Variants in COPB1 observed in about 807,000 individuals in gnomAD.
The protein encoded by COPB1 is coatomer subunit beta.
COPB1 carries 21 observed loss-of-function variants against 108.7 expected under a neutral mutation model. The ratio of observed to expected loss-of-function variants is 0.19; its 90% CI spans 0.14 to 0.28. The LOEUF (loss-of-function observed/expected upper bound fraction) is 0.28, where lower values mean the gene tolerates loss of function less well. Among genes scored for constraint, COPB1 ranks in the 10% least tolerant of loss-of-function variants. The pLI, the probability that COPB1 is intolerant of heterozygous loss-of-function variation, is 1.00. For missense variants in COPB1, 919 were observed against 1,141.3 expected (o/e 0.81, Z 2.81); for synonymous variants, 378 against 386.8 (o/e 0.98, Z 0.27).
intron 14 of COPB1, among the ~76,000 whole-genome samples, chr11:14,470,885 A>C (rs1850382245): frequency 6.7e-6 from 1 of 149,238 alleles, no homozygotes; most frequent in African/African-American, 2.5e-5. Flanking sequence ...AAAATCTAAA[A>C]CCAGTGGAAG....
chr11:14,470,243 T>TGA (rs1427803624), intron 14 of COPB1, among the ~76,000 whole-genome samples: 1 of 152,246 alleles, frequency 6.6e-6, no homozygotes, highest in East Asian at 1.9e-4. Context: ...TTTAAAGAAC[T>TGA]GAGGCCAGTT....
chr11:14,473,578 C>CCAGTTGGTGGAGCAGT (rs58368175), intron 14 of COPB1, among the ~76,000 whole-genome samples: 101,092 of 151,664 alleles, frequency 0.67, 33,884 homozygotes, highest in African/African-American at 0.71. Flanking sequence ...GGGGTAACAG[C>CCAGTTGGTGGAGCAGT]CGGAACACAC....
At chr11:14,480,211 A>C (rs1850631703) in intron 10 of COPB1, among the ~76,000 whole-genome samples, 1 of 152,224 alleles carries the variant, frequency 6.6e-6, no homozygotes, top group Non-Finnish European at 1.5e-5. Flanking sequence ...GTGCAGCAAA[A>C]TTTATTTTAA....
chr11:14,470,794 T>C (rs1221517971), intron 14 of COPB1, among the ~76,000 whole-genome samples: 1 of 151,774 alleles, frequency 6.6e-6, no homozygotes, highest in Non-Finnish European at 1.5e-5. Context: ...ACAAGCTCAA[T>C]GAACCACAAG....
chr11:14,477,389 C>A (rs1269773068), intron 11 of COPB1, among the ~76,000 whole-genome samples: 26 of 73,274 alleles, frequency 3.5e-4, no homozygotes, highest in South Asian at 6.1e-4. Flanking sequence ...GACTCCGTCT[C>A]AAAAAAAAAA....
At position 14,458,649 on chromosome 11, in the gene COPB1, A is replaced by T; in HGVS notation, c.2685T>A (p.Leu895=). 1 of 1,613,372 alleles carries T rather than the reference A, an allele frequency of 6.2e-7. No homozygotes were observed. The highest frequency in any genetic ancestry group is 8.5e-7 in the Non-Finnish European group (1 of 1,179,698). The part of the protein sequence containing the change: ...SGYCGFMAAN[L]YARSIFGEDA... ...CTTCACCAAATATGGAACGAGCATAAAGGTTGGCTGCCATAAAGCCACAGT... is the reference window on the plus strand; with the variant it reads ...CTTCACCAAATATGGAACGAGCATATAGGTTGGCTGCCATAAAGCCACAGT... The change falls in exon 21 of 22, where the codon CTT becomes CTA. Residue 895 remains leucine (L), a synonymous_variant. Coordinates refer to ENST00000439561, the MANE Select transcript of COPB1 (RefSeq NM_001144061.2).
intron 18 of COPB1, among the ~76,000 whole-genome samples, chr11:14,464,121 A>G (rs1850225884): frequency 6.6e-6 from 1 of 152,162 alleles, no homozygotes; most frequent in Non-Finnish European, 1.5e-5. Flanking sequence ...TTTTCCTGCC[A>G]TCATCCTCCA....
chr11:14,475,150 A>G (rs1204621763), intron 13 of COPB1, among the ~76,000 whole-genome samples: 5 of 151,586 alleles, frequency 3.3e-5, no homozygotes, highest in Non-Finnish European at 7.4e-5. Flanking sequence ...CACAAAAGCC[A>G]TCAGAATATG....
intron 18 of COPB1, among the ~76,000 whole-genome samples, chr11:14,462,233 CTTTT>C (rs928263474): frequency 3.7e-5 from 5 of 134,190 alleles, no homozygotes; most frequent in Non-Finnish European, 4.9e-5. Context: ...CTTTTCTTTT[CTTTT>C]TTTTTTTTTT....
At chr11:14,467,280 T>A (rs1377672305) in intron 16 of COPB1, among the ~76,000 whole-genome samples, 1 of 151,902 alleles carries the variant, frequency 6.6e-6, no homozygotes, top group Non-Finnish European at 1.5e-5. Flanking sequence ...AATAAGCACG[T>A]GAAAAGACAC....
rs773858357 is a variant in COPB1, at chr11:14,461,206, C to T, written c.2536G>A (p.Glu846Lys). The change falls in exon 19 of 22, where the codon GAA (glutamate) becomes AAA (lysine). Residue 846 changes from glutamate (E) to lysine (K), a missense_variant. This residue lies in a region of COPB1 where 705 missense variants were observed against 817.8 expected (regional missense o/e 0.86). Coordinates refer to ENST00000439561, the MANE Select transcript of COPB1 (RefSeq NM_001144061.2). ...CTAACTTTGTTTTCCCATTCAAATT[C>T]GGCCCACATCTGACGGAATTCTGCA... is the stretch of plus-strand genomic sequence containing the variant. The part of the protein sequence containing the change: ...TDAEFRQMWA[E>K]FEWENKVTVN... The T allele has an allele frequency of 4.3e-6, 7 of 1,614,030 alleles. No homozygotes were observed. The highest frequency in any genetic ancestry group is 2.2e-5 in the East Asian group (1 of 44,876).
At chr11:14,479,135 T>A (rs974839684) in intron 11 of COPB1, among the ~76,000 whole-genome samples, 1 of 152,164 alleles carries the variant, frequency 6.6e-6, no homozygotes, top group African/African-American at 2.4e-5. Flanking sequence ...AGACTATCCA[T>A]CAGATGCTTT....
chr11:14,489,980 TC>T (rs1307980306), intron 5 of COPB1, among the ~76,000 whole-genome samples: 1 of 152,194 alleles, frequency 6.6e-6, no homozygotes, highest in Admixed American at 6.5e-5. Flanking sequence ...CTGGAAGGCC[TC>T]CATATTTTTC....
rs147370741 is a variant in COPB1 at position 14,468,806 on chromosome 11, T to C, written c.2020A>G (p.Met674Val). The part of the protein sequence containing the change: ...TVQPDDPISF[M>V]QLTAKNEMNC... Reference sequence around the variant, plus strand: ...ATTTCATTCTTAGCAGTTAGTTGCATGAAGGAAATGGGGTCATCAGGCTGT... The same window carrying C: ...ATTTCATTCTTAGCAGTTAGTTGCACGAAGGAAATGGGGTCATCAGGCTGT... Residue 674 changes from methionine (M) to valine (V), a missense_variant, in exon 16 of 22, where the codon ATG becomes GTG. By Grantham distance (21) the Met-to-Val change is conservative. This residue lies in a region of COPB1 where 705 missense variants were observed against 817.8 expected (regional missense o/e 0.86). Transcript: ENST00000439561. 6.5e-5 allele frequency: 105 copies of C among 1,614,064 alleles called. No homozygotes were observed. The Middle Eastern group carries it at 9.9e-4, about 15-fold the overall frequency.
chr11:14,466,437 A>G lies in COPB1; in HGVS notation c.2146-11T>C, dbSNP rs201473379. On this transcript the variant is annotated splice_polypyrimidine_tract_variant and intron_variant, in intron 16 of 21. Transcript: ENST00000439561. ...TGTCAATTGGGTGACCTGTCAAAAC[A>G]AAAACAAAGACATAATCAAATGACA... 14 of 1,606,714 alleles carry G rather than the reference A, an allele frequency of 8.7e-6. No homozygotes were observed. The highest frequency in any genetic ancestry group is 1.1e-5 in the Non-Finnish European group (13 of 1,177,278).
intron 7 of COPB1, among the ~76,000 whole-genome samples, chr11:14,484,640 T>C (rs1201459802): frequency 3.9e-5 from 6 of 152,062 alleles, no homozygotes; most frequent in Non-Finnish European, 8.8e-5. Context: ...ATCACTTGAA[T>C]CTGGGAGGCG....
intron 7 of COPB1, among the ~76,000 whole-genome samples, chr11:14,483,529 GT>G (rs1389959391): frequency 6.6e-6 from 1 of 152,146 alleles, no homozygotes; most frequent in South Asian, 2.1e-4. Context: ...GCATATTTCA[GT>G]TTAGAGGCAA....
chr11:14,474,362 C>G, intron 14 of COPB1, 133 bp downstream of exon 14: 1 of 707,558 alleles, frequency 1.4e-6, no homozygotes, highest in Non-Finnish European at 2.2e-6. Flanking sequence ...TTACTGTGTC[C>G]ACTTCTGCTA....
At chr11:14,479,762 A>G (rs745536955) in intron 10 of COPB1, 48 bp from the exon 11 acceptor site, 181 of 1,479,992 alleles carry the variant, frequency 1.2e-4, no homozygotes, top group Non-Finnish European at 5.5e-6. Flanking sequence ...ATTTTCGAAA[A>G]GAAAATTATC....
Sources: allele counts gnomAD v4.1 joint callset (sites outside exome capture counted in the v4.1 genomes callset), GRCh38; gene constraint gnomAD v4.1.1; regional missense constraint gnomAD v4.1.1; transcripts MANE v1.5; gene names NCBI Gene and HGNC (gene_info 2026-07-23, HGNC 2026-07-21).